The following ZSCAN5A variants were observed in gnomAD, a reference collection of about 807,000 sequenced individuals.
The protein encoded by ZSCAN5A is zinc finger and SCAN domain-containing protein 5A.
A neutral mutation model predicts 23.7 loss-of-function variants in ZSCAN5A; 12 were observed. The observed-to-expected ratio is 0.51, with a 90% CI of 0.32 to 0.82. ZSCAN5A has a LOEUF of 0.82. Among genes scored for constraint, ZSCAN5A ranks in the 40% least tolerant of loss-of-function variants. The pLI, the probability that ZSCAN5A is intolerant of heterozygous loss-of-function variation, is 0.03. For missense variants in ZSCAN5A, 597 were observed against 617.9 expected (o/e 0.97, Z 0.36); for synonymous variants, 257 against 239.9 (o/e 1.07, Z -0.66).
rs376421523 is a variant in ZSCAN5A, at chr19:56,301,858, C to T, written c.-128+11425G>A. The T allele has an allele frequency of 6.7e-5, 80 of 1,199,992 alleles. No individual in the cohort carries two copies. The African/African-American group carries it at 1.1e-3, about 17-fold the overall frequency. The allele number at this position is 1,199,992 out of a possible 1,614,324, so 74.3% of individuals were successfully genotyped here. A position where few individuals can be genotyped will look rare whatever the true frequency, so the allele number is the denominator to read the frequency against. On this transcript the variant is annotated intron_variant, in intron 2 of 5. Coordinates refer to ENST00000683990, the MANE Select transcript of ZSCAN5A (RefSeq NM_001322064.3). The stretch of plus-strand genomic sequence containing the variant: ...TGGACCAAAATTTCAATTCAGGAGG[C>T]AGGCAGAGATGTGAGTTTGGAGATC...
intron 2 of ZSCAN5A, among the ~76,000 whole-genome samples, chr19:56,265,443 G>A (rs2037408682): frequency 6.6e-6 from 1 of 151,208 alleles, no homozygotes; most frequent in African/African-American, 2.4e-5. Context: ...AAAGTAAACT[G>A]AGGAAGTGAG....
intron 2 of ZSCAN5A, chr19:56,343,010 A>G: frequency 8.4e-6 from 7 of 831,280 alleles, no homozygotes; most frequent in South Asian, 1.3e-5. Flanking sequence ...AGAAGTCACT[A>G]TCTACTTATC....
At chr19:56,260,531 T>A (rs576306433) in intron 2 of ZSCAN5A, among the ~76,000 whole-genome samples, 28 of 152,228 alleles carry the variant, frequency 1.8e-4, no homozygotes, top group South Asian at 6.2e-4. Context: ...TACATTTTTT[T>A]AATTTCTTTT....
intron 3 of ZSCAN5A, 172 bp downstream of exon 3, chr19:56,224,491 C>T: frequency 1.0e-6 from 1 of 991,670 alleles, no homozygotes; most frequent in Non-Finnish European, 1.5e-6. Context: ...CCTGTCCTCC[C>T]TGACAACAAA....
Position 56,221,483 on chromosome 19 carries a change from G to A in ZSCAN5A, c.*92C>T, listed in dbSNP as rs1019389882. On this transcript the variant is annotated 3_prime_UTR_variant, in exon 6 of 6. Coordinates refer to ENST00000683990, the MANE Select transcript of ZSCAN5A (RefSeq NM_001322064.3). ...AGGGCACTCCCTCTGTGTGTCAGAC[G>A]CCCTTGCATGTGTCAAATGTCATCT... The A allele has an allele frequency of 1.4e-5, 21 of 1,462,670 alleles. No individual in the cohort carries two copies. Among genetic ancestry groups the A allele is most frequent in the South Asian group, 7.2e-5 (5 of 69,346 alleles). The allele number at this position is 1,462,670 out of a possible 1,614,324, so 90.6% of individuals were successfully genotyped here.
At chr19:56,223,236 A>T (rs2033490543) in intron 4 of ZSCAN5A, among the ~76,000 whole-genome samples, 1 of 152,222 alleles carries the variant, frequency 6.6e-6, no homozygotes, top group Non-Finnish European at 1.5e-5. Flanking sequence ...CCGGAAAGGC[A>T]GAATCACCCC....
rs945092063 is a variant in ZSCAN5A at position 56,225,176 on chromosome 19, G to A, written c.-127-3C>T. Reference sequence around the variant, plus strand: ...AGATTCACTGTTCATTCAGAAGTCTGGGGGGGAAAAGTATGAGCCTCATTA... The same window carrying A: ...AGATTCACTGTTCATTCAGAAGTCTAGGGGGGAAAAGTATGAGCCTCATTA... On this transcript the variant is annotated splice_region_variant and splice_polypyrimidine_tract_variant and intron_variant, in intron 2 of 5. Transcript: ENST00000683990. The A allele has an allele frequency of 2.2e-6, 3 of 1,374,420 alleles. No homozygotes were observed. Among genetic ancestry groups the A allele is most frequent in the Non-Finnish European group, 1.9e-6 (2 of 1,073,844 alleles). The allele number at this position is 1,374,420 out of a possible 1,614,324, so 85.1% of individuals were successfully genotyped here. A position where few individuals can be genotyped will look rare whatever the true frequency, so the allele number is the denominator to read the frequency against.
chr19:56,279,572 TGGG>T (rs2038529354), intron 2 of ZSCAN5A, among the ~76,000 whole-genome samples: 1 of 152,220 alleles, frequency 6.6e-6, no homozygotes, highest in Non-Finnish European at 1.5e-5. Flanking sequence ...GTGTCCCATA[TGGG>T]GTCTGAGGTT....
intron 2 of ZSCAN5A, among the ~76,000 whole-genome samples, chr19:56,234,558 C>G (rs1019028250): frequency 4.6e-5 from 7 of 152,064 alleles, no homozygotes; most frequent in Non-Finnish European, 1.0e-4. Context: ...GGCCCGAAAC[C>G]AGGCCTGGGC....
chr19:56,243,526 C>T (rs1352731347), intron 2 of ZSCAN5A, among the ~76,000 whole-genome samples: 1 of 152,132 alleles, frequency 6.6e-6, no homozygotes, highest in Non-Finnish European at 1.5e-5. Context: ...CTATTTTTCT[C>T]TATCTTTGTG....
At chr19:56,315,824 G>T (rs1418032410), upstream of ZSCAN5A, 1 of 152,204 alleles carries the variant, frequency 6.6e-6, no homozygotes, top group Non-Finnish European at 1.5e-5. Context: ...AATTTAGGTG[G>T]TGGTTGTGAG....
chr19:56,353,563 G>GTCAGGAGA (rs2041681586), intron 2 of ZSCAN5A, among the ~76,000 whole-genome samples: 1 of 152,174 alleles, frequency 6.6e-6, no homozygotes, highest in East Asian at 1.9e-4. Context: ...AGGTCAGGAG[G>GTCAGGAGA]TCAGGAGATC....
rs769527556 is a variant in ZSCAN5A at position 56,221,953 on chromosome 19, T to C, written c.1113A>G (p.Leu371=). 9 of 1,614,120 alleles carry C rather than the reference T, an allele frequency of 5.6e-6. No homozygotes were observed. Among genetic ancestry groups the C allele is most frequent in the East Asian group, 2.2e-5 (1 of 44,864 alleles). ...CEKRFTCNSK[L]VIHKRSHTGE... is the part of the protein sequence containing the mutation. The stretch of plus-strand genomic sequence containing the variant: ...CTGTGTGTGATCTCTTGTGGATGAC[T>C]AGCTTGGAATTACACGTAAACCTCT... Residue 371 remains leucine (L), a synonymous_variant, in exon 6 of 6, where the codon CTA becomes CTG. Coordinates refer to ENST00000683990, the MANE Select transcript of ZSCAN5A (RefSeq NM_001322064.3).
chr19:56,249,120 A>G (rs1255143178), intron 2 of ZSCAN5A, among the ~76,000 whole-genome samples: 2 of 152,184 alleles, frequency 1.3e-5, no homozygotes, highest in African/African-American at 4.8e-5. Context: ...CTTGAACTAC[A>G]GAGGCATTGG....
Position 56,314,834 on chromosome 19 carries a change from C to G in ZSCAN5A, c.-383G>C, listed in dbSNP as rs1402980809. The G allele has an allele frequency of 6.6e-6, 1 of 152,278 alleles. No homozygotes were observed. The highest frequency in any genetic ancestry group is 1.5e-5 in the Non-Finnish European group (1 of 68,072). The allele number at this position is 152,278 out of a possible 1,614,324, so 9.4% of individuals were successfully genotyped here. Reference sequence around the variant, plus strand: ...GCCTGGATCGGGAACTTGTCGCATTCACATTGGCTGCTAGGAGGCCTCGGC... The same window carrying G: ...GCCTGGATCGGGAACTTGTCGCATTGACATTGGCTGCTAGGAGGCCTCGGC... On this transcript the variant is annotated 5_prime_UTR_variant, in exon 1 of 6. An upstream open reading frame in the 5' UTR loses its in-frame stop. Coordinates refer to ENST00000683990, the MANE Select transcript of ZSCAN5A (RefSeq NM_001322064.3).
intron 3 of ZSCAN5A, 146 bp from the exon 4 acceptor site, chr19:56,223,980 A>T: frequency 1.3e-6 from 1 of 761,584 alleles, no homozygotes; most frequent in Non-Finnish European, 2.1e-6. Flanking sequence ...CTGTGGACAC[A>T]GCAATCCTGT....
intron 2 of ZSCAN5A, among the ~76,000 whole-genome samples, chr19:56,286,010 A>G (rs1025583758): frequency 1.3e-5 from 2 of 151,916 alleles, no homozygotes; most frequent in African/African-American, 4.8e-5. Context: ...GCAGCATGGG[A>G]TATTATCTAA....
intron 2 of ZSCAN5A, among the ~76,000 whole-genome samples, chr19:56,313,066 T>C (rs2041143368): frequency 6.6e-6 from 1 of 152,238 alleles, no homozygotes; most frequent in Non-Finnish European, 1.5e-5. Context: ...TGTGTTTGCA[T>C]AACAGCTCAT....
At chr19:56,248,371 C>G (rs111949383) in intron 2 of ZSCAN5A, among the ~76,000 whole-genome samples, 11,951 of 152,132 alleles carry the variant, frequency 0.079, 585 homozygotes, top group African/African-American at 0.13. Flanking sequence ...AGCAATTCTG[C>G]CGTCTTGGCC....
Sources: allele counts gnomAD v4.1 joint callset (sites outside exome capture counted in the v4.1 genomes callset), GRCh38; gene constraint gnomAD v4.1.1; transcripts MANE v1.5; gene names NCBI Gene and HGNC (gene_info 2026-07-23, HGNC 2026-07-21).